The following AAK1 variants were observed in gnomAD, a reference collection of about 807,000 sequenced individuals.
The protein encoded by AAK1 is AP2-associated protein kinase 1.
In AAK1, 37 loss-of-function variants were observed where a neutral mutation model predicts 116.0. That is an observed-to-expected ratio of 0.32 (90% CI 0.25 to 0.42). The LOEUF is 0.42. Among genes scored for constraint, AAK1 ranks in the 10% least tolerant of loss-of-function variants. The pLI is 1.00. For missense variants in AAK1, 919 were observed against 1,170.6 expected, an observed-to-expected ratio of 0.79 and a Z score of 3.14; for synonymous variants, 458 against 439.9, an observed-to-expected ratio of 1.04 and a Z score of -0.51.
At chr2:69,636,574 G>A (rs1347462735) in intron 2 of AAK1, among the ~76,000 whole-genome samples, 1 of 152,204 alleles carries the variant, frequency 6.6e-6, no homozygotes, top group Non-Finnish European at 1.5e-5. Flanking sequence ...GCCAGAACTT[G>A]TGATGATGAA....
At chr2:69,551,379 T>C (rs1243555992) in intron 3 of AAK1, among the ~76,000 whole-genome samples, 1 of 152,190 alleles carries the variant, frequency 6.6e-6, no homozygotes, top group Non-Finnish European at 1.5e-5. Context: ...ATCCTGTACA[T>C]GTACCCTGGA....
chr2:69,608,182 G>T (rs926714411), intron 2 of AAK1, among the ~76,000 whole-genome samples: 2 of 152,158 alleles, frequency 1.3e-5, no homozygotes, highest in African/African-American at 2.4e-5. Flanking sequence ...CACAAAAGAA[G>T]GCTAGGGCAG....
rs1357865430 is a variant in AAK1 at position 69,482,820 on chromosome 2, G to A, written c.2366-8C>T. 3 of 1,583,094 alleles carry A rather than the reference G, an allele frequency of 1.9e-6. No homozygotes were observed. The South Asian group carries it at 3.3e-5, about 18-fold the overall frequency. ...GTCCCTCAATTAGTTTTTCTACGTT[G>A]GGCAGAGAGACAAAAAGAAAGCAAA... On this transcript the variant is annotated splice_polypyrimidine_tract_variant and splice_region_variant and intron_variant, in intron 17 of 21. Transcript: ENST00000409085.
At chr2:69,625,984 CA>C (rs1404842899) in intron 2 of AAK1, among the ~76,000 whole-genome samples, 1 of 152,084 alleles carries the variant, frequency 6.6e-6, no homozygotes, top group Non-Finnish European at 1.5e-5. Context: ...CTCAACTTAC[CA>C]AACCTCACCC....
At chr2:69,580,602 C>T (rs1056004293) in intron 2 of AAK1, among the ~76,000 whole-genome samples, 2 of 152,166 alleles carry the variant, frequency 1.3e-5, no homozygotes, top group African/African-American at 2.4e-5. Flanking sequence ...AGACTCTTGG[C>T]GAGGGTCAGT....
chr2:69,500,438 T>C (rs1045812391), intron 16 of AAK1: 3 of 151,962 alleles, frequency 2.0e-5, no homozygotes, highest in East Asian at 1.9e-4. Context: ...GATGTGGTTA[T>C]AACTACAGTT....
At position 69,473,156 on chromosome 2, in the gene AAK1, CA is replaced by C. The variant is rs1674736346; in HGVS notation, c.*2712del. On this transcript the variant is annotated 3_prime_UTR_variant, in exon 22 of 22. Coordinates refer to ENST00000409085, the MANE Select transcript of AAK1 (RefSeq NM_014911.5). ...GAGAGGTGAAGTGCCTGCTGAAGGTCACTCAGCCAGTGGCTGGCAAGGGCCA... is the reference window on the plus strand; with the variant it reads ...GAGAGGTGAAGTGCCTGCTGAAGGTCCTCAGCCAGTGGCTGGCAAGGGCCA... 1 of 795,810 alleles carries C rather than the reference CA, an allele frequency of 1.3e-6. No individual in the cohort carries two copies. 49.3% of individuals were successfully genotyped at this position (795,810 alleles called of 1,614,324 possible).
Position 69,470,614 on chromosome 2 carries a change from T to C in AAK1, c.*5255A>G. ...AAATGTTTAATTAAGTTGGCCTGGG[T>C]ATATTAGGGATTAAGTTAGAGGAGG... On this transcript the variant is annotated 3_prime_UTR_variant, in exon 22 of 22. Transcript: ENST00000409085. 3 of 985,366 alleles carry C rather than the reference T, an allele frequency of 3.0e-6. No individual in the cohort carries two copies. Among genetic ancestry groups the C allele is most frequent in the Non-Finnish European group, 3.6e-6 (3 of 829,928 alleles). The allele number at this position is 985,366 out of a possible 1,614,324, so 61.0% of individuals were successfully genotyped here. A position where few individuals can be genotyped will look rare whatever the true frequency, so the allele number is the denominator to read the frequency against.
chr2:69,478,764 G>A (rs1280446103), intron 20 of AAK1, 187 bp downstream of exon 20: 5 of 525,872 alleles, frequency 9.5e-6, no homozygotes, highest in Non-Finnish European at 1.7e-5. Flanking sequence ...GGTCGTCTAA[G>A]TCTTAGTAAA....
In AAK1 at chr2:69,616,398, A is replaced by G. The variant is rs1674330143; in HGVS notation, c.163+26480T>C. The stretch of plus-strand genomic sequence containing the variant: ...TCCATTTTAAAAAAAGAACGAAAAG[A>G]AAAAGGTGAAATAAACCTGATTTTG... On this transcript the variant is annotated intron_variant, in intron 2 of 21. Transcript: ENST00000409085. 1.3e-5 allele frequency among the ~76,000 whole-genome samples: 2 copies of G among 152,242 alleles called. 1 individual carries two copies. The highest frequency in any genetic ancestry group is 4.1e-4 in the South Asian group (2 of 4,838).
intron 17 of AAK1, among the ~76,000 whole-genome samples, chr2:69,487,448 A>C (rs140074087): frequency 7.8e-4 from 119 of 152,344 alleles, no homozygotes; most frequent in African/African-American, 2.7e-3. Flanking sequence ...AGTGTTCCTT[A>C]AGATCCAAAA....
At chr2:69,579,741 G>A (rs994765396) in intron 2 of AAK1, among the ~76,000 whole-genome samples, 11 of 151,970 alleles carry the variant, frequency 7.2e-5, no homozygotes, top group African/African-American at 2.2e-4. Context: ...TTTCCTCAGC[G>A]TTCAGTCCTG....
At chr2:69,571,762 T>C (rs1234907988) in intron 2 of AAK1, among the ~76,000 whole-genome samples, 3 of 152,166 alleles carry the variant, frequency 2.0e-5, no homozygotes, top group Non-Finnish European at 4.4e-5. Context: ...AATGGTCAAA[T>C]ACCTATTTGG....
rs1674804882 is a variant in AAK1 at position 69,475,108 on chromosome 2, G to A, written c.*761C>T. On this transcript the variant is annotated 3_prime_UTR_variant, in exon 22 of 22. Transcript: ENST00000409085. ...TGGCAATACTTGGGATTTATATAACGTACACATTGTATCCAAGGATCTCAA... is the reference window on the plus strand; with the variant it reads ...TGGCAATACTTGGGATTTATATAACATACACATTGTATCCAAGGATCTCAA... 4 of 985,616 alleles carry A rather than the reference G, an allele frequency of 4.1e-6. No individual in the cohort carries two copies. The highest frequency in any genetic ancestry group is 9.4e-5 in the South Asian group (2 of 21,274). 61.1% of individuals were successfully genotyped at this position (985,616 alleles called of 1,614,324 possible).
chr2:69,642,494 T>A (rs993842854), intron 2 of AAK1, among the ~76,000 whole-genome samples: 3 of 151,468 alleles, frequency 2.0e-5, no homozygotes, highest in African/African-American at 7.3e-5. Flanking sequence ...TTCTTAAAAG[T>A]CCCCCCACCC....
chr2:69,543,598 G>A (rs1024323601), intron 4 of AAK1, among the ~76,000 whole-genome samples: 2 of 152,072 alleles, frequency 1.3e-5, no homozygotes, highest in African/African-American at 4.8e-5. Flanking sequence ...AGTAGAAATA[G>A]GGTTTTACCA....
rs1674283169 is a variant in AAK1 at position 69,459,188 on chromosome 2, G to C, written c.*16681C>G. ...GGGTTGTCACTACAGAGTAAGGCTG[G>C]GGTCCTGCCAACCTTCCTTCATCCT... On this transcript the variant is annotated 3_prime_UTR_variant, in exon 22 of 22. Transcript: ENST00000409085. 6.6e-6 allele frequency: 1 copy of C among 152,202 alleles called. No individual in the cohort carries two copies. The highest frequency in any genetic ancestry group is 2.1e-4 in the South Asian group (1 of 4,830). The allele number at this position is 152,202 out of a possible 1,614,324, so 9.4% of individuals were successfully genotyped here.
At chr2:69,537,474 G>A (rs557831632) in intron 5 of AAK1, among the ~76,000 whole-genome samples, 5 of 152,206 alleles carry the variant, frequency 3.3e-5, no homozygotes, top group East Asian at 3.9e-4. Flanking sequence ...CACAAGGCCC[G>A]AAGTAGGCCT....
intron 6 of AAK1, 159 bp downstream of exon 6, chr2:69,531,882 C>T: frequency 2.2e-6 from 3 of 1,354,240 alleles, no homozygotes; most frequent in Admixed American, 4.5e-5. Flanking sequence ...TCATTCTTCA[C>T]TTAAAGTCAA....
Sources: gnomAD v4.1 joint callset for allele counts (sites outside exome capture counted in the v4.1 genomes callset) on GRCh38, gnomAD v4.1.1 for gene constraint, MANE v1.5 for transcripts, NCBI Gene and HGNC (gene_info 2026-07-23, HGNC 2026-07-21) for gene names.